The following ALPK2 variants were observed in gnomAD, a reference collection of about 807,000 sequenced individuals.
The protein encoded by ALPK2 is alpha-protein kinase 2.
A neutral mutation model predicts 163.1 loss-of-function variants in ALPK2; 127 were observed. The observed-to-expected ratio is 0.78, with a 90% CI of 0.67 to 0.90. The LOEUF (loss-of-function observed/expected upper bound fraction) is 0.90. ALPK2 is among the 40% of genes least tolerant of loss of function. The pLI, the probability that ALPK2 is intolerant of heterozygous loss-of-function variation, is 0.00. For synonymous variants in ALPK2, 953 were observed against 959.1 expected (o/e 0.99, Z 0.12); for missense variants, 2,360 against 2,589.6 (o/e 0.91, Z 1.92).
At position 58,536,676 on chromosome 18, in the gene ALPK2, G is replaced by A. The variant is rs144800085; in HGVS notation, c.3511C>T (p.Pro1171Ser). The A allele has an allele frequency of 8.7e-6, 14 of 1,614,078 alleles. No individual in the cohort carries two copies. The highest frequency in any genetic ancestry group is 1.7e-6 in the Non-Finnish European group (2 of 1,180,036). Residue 1171 changes from proline to serine, a missense_variant, in exon 5 of 13, where the codon CCC becomes TCC. Coordinates refer to ENST00000361673, the MANE Select transcript of ALPK2 (RefSeq NM_052947.4). Reference sequence around the variant, plus strand: ...GAGCTTGCGGGTGAGTGGGCCGTGGGCACCAAGTTTCTTTCCTCTTGTGCA... The same window carrying A: ...GAGCTTGCGGGTGAGTGGGCCGTGGACACCAAGTTTCTTTCCTCTTGTGCA... ...SAAQEERNLV[P>S]TAHSPASSRE...
chr18:58,573,280 A>ATG (rs2051897327), intron 4 of ALPK2, among the ~76,000 whole-genome samples: 1 of 146,764 alleles, frequency 6.8e-6, no homozygotes, highest in Non-Finnish European at 1.5e-5. Context: ...ATATGTATAT[A>ATG]TGTGTATATA....
At chr18:58,615,722 C>T (rs1201162375) in intron 1 of ALPK2, among the ~76,000 whole-genome samples, 14 of 152,136 alleles carry the variant, frequency 9.2e-5, no homozygotes, top group Non-Finnish European at 1.9e-4. Flanking sequence ...AGGACATGAC[C>T]TTCCATTCTC....
intron 10 of ALPK2, among the ~76,000 whole-genome samples, chr18:58,509,993 T>C (rs912196893): frequency 1.3e-5 from 2 of 152,248 alleles, no homozygotes; most frequent in African/African-American, 4.8e-5. Context: ...GCTGAGGTTT[T>C]CTTCTAGGGT....
Position 58,561,473 on chromosome 18 carries a change from G to A in ALPK2, c.1962+17341C>T, listed in dbSNP as rs139361857. Among the ~76,000 whole-genome samples, 14 of 152,244 alleles carry A rather than the reference G, an allele frequency of 9.2e-5. No homozygotes were observed. The East Asian group carries it at 2.1e-3, about 23-fold the overall frequency. ...ATTAGGAAATTGTCTTAAAGATCCC[G>A]CCCCCAAAAGCAGACCCTGAGACAA... On this transcript the variant is annotated intron_variant, in intron 4 of 12. Coordinates refer to ENST00000361673, the MANE Select transcript of ALPK2 (RefSeq NM_052947.4).
At position 58,488,909 on chromosome 18, in the gene ALPK2, G is replaced by A. The variant is rs143441651; in HGVS notation, c.6297-6870C>T. ...GGAAACAGCAAGAGATTCCCGGAGT[G>A]CCACTCATACCCTTCATTTTTCATG... On this transcript the variant is annotated intron_variant, in intron 12 of 12. Transcript: ENST00000361673. Among the ~76,000 whole-genome samples, 68 of 152,258 alleles carry A rather than the reference G, an allele frequency of 4.5e-4. 2 individuals are homozygous for A. In the East Asian group the frequency reaches 8.7e-3, roughly 20 times the overall value.
chr18:58,599,266 T>G (rs557316902), intron 3 of ALPK2, among the ~76,000 whole-genome samples: 1 of 152,260 alleles, frequency 6.6e-6, no homozygotes, highest in Non-Finnish European at 1.5e-5. Flanking sequence ...AACCGGGAGT[T>G]CCTTGTCAGA....
In ALPK2 at chr18:58,579,396, A is replaced by G. The variant is rs1221724634; in HGVS notation, c.1380T>C (p.Asn460=). The G allele has an allele frequency of 6.2e-7, 1 of 1,613,872 alleles. No homozygotes were observed. The highest frequency in any genetic ancestry group is 8.5e-7 in the Non-Finnish European group (1 of 1,180,020). The change falls in exon 4 of 13, where the codon AAT becomes AAC. Residue 460 remains asparagine (N), a synonymous_variant. Transcript: ENST00000361673. ...TTTCTCCTTGAATTCCTGGATAATC[A>G]TTTTCAGCAGCCTCGGGAGCAGTGG... is the stretch of plus-strand genomic sequence containing the variant. ...KLPTAPEAAE[N]DYPGIQGETR...
intron 4 of ALPK2, among the ~76,000 whole-genome samples, chr18:58,558,988 GA>G (rs1180051520): frequency 2.0e-5 from 3 of 152,248 alleles, no homozygotes; most frequent in African/African-American, 7.2e-5. Flanking sequence ...AAAGTGTTCT[GA>G]AATTAAATAG....
At chr18:58,523,260 T>C (rs7228180) in intron 8 of ALPK2, among the ~76,000 whole-genome samples, 101,784 of 151,042 alleles carry the variant, frequency 0.67, 34,639 homozygotes, top group Middle Eastern at 0.76. Context: ...TTTTTTATGG[T>C]TGCATAGTAT....
intron 4 of ALPK2, 28 bp downstream of exon 4, chr18:58,578,786 C>A (rs973790881): frequency 1.4e-6 from 2 of 1,458,146 alleles, no homozygotes; most frequent in African/African-American, 3.7e-5. Flanking sequence ...CTTTTTATCT[C>A]GTAATTTCTT....
At chr18:58,547,301 G>GCATGTCAC (rs1233747977) in intron 4 of ALPK2, among the ~76,000 whole-genome samples, 3 of 152,188 alleles carry the variant, frequency 2.0e-5, no homozygotes, top group Non-Finnish European at 4.4e-5. Flanking sequence ...AAAGGATACA[G>GCATGTCAC]CATGTCACCA....
Position 58,535,170 on chromosome 18 carries a change from A to G in ALPK2, c.5017T>C (p.Cys1673Arg). 6.2e-7 allele frequency: 1 copy of G among 1,613,968 alleles called. No homozygotes were observed. The highest frequency in any genetic ancestry group is 8.5e-7 in the Non-Finnish European group (1 of 1,179,986). ...GCACAGCCCAGGGTGCCCTTTTGAC[A>G]TGGATCCTGCAGTAATTTAGGGGCT... Reference protein sequence around the residue: ...EKAPKLLQDPCQKGTLGCAKK... With the variant: ...EKAPKLLQDPRQKGTLGCAKK... The change falls in exon 5 of 13, where the codon TGT becomes CGT. Residue 1673 changes from cysteine (C) to arginine (R), a missense_variant. Physicochemically the swap from Cys to Arg is radical, Grantham distance 180. Coordinates refer to ENST00000361673, the MANE Select transcript of ALPK2 (RefSeq NM_052947.4).
intron 10 of ALPK2, among the ~76,000 whole-genome samples, chr18:58,511,368 C>T (rs2051489430): frequency 6.6e-6 from 1 of 152,132 alleles, no homozygotes. Flanking sequence ...ATTGCAATTT[C>T]CCTGTCTTGA....
intron 3 of ALPK2, among the ~76,000 whole-genome samples, chr18:58,588,445 G>T (rs1362764543): frequency 1.3e-5 from 2 of 152,082 alleles, no homozygotes; most frequent in Non-Finnish European, 2.9e-5. Context: ...TGGGGTACAT[G>T]TGCAGGATGT....
chr18:58,546,302 A>G (rs375259735), intron 4 of ALPK2, among the ~76,000 whole-genome samples: 1 of 152,172 alleles, frequency 6.6e-6, no homozygotes, highest in Admixed American at 6.5e-5. Context: ...CTTGAGAGTC[A>G]TAGAGTTTGT....
chr18:58,562,374 C>G (rs1209064065), intron 4 of ALPK2, among the ~76,000 whole-genome samples: 1 of 152,214 alleles, frequency 6.6e-6, no homozygotes, highest in Non-Finnish European at 1.5e-5. Context: ...AACTATAGAA[C>G]TGACTGATGT....
intron 3 of ALPK2, among the ~76,000 whole-genome samples, chr18:58,591,567 G>C (rs2052015189): frequency 6.6e-6 from 1 of 152,108 alleles, no homozygotes; most frequent in Non-Finnish European, 1.5e-5. Context: ...AGGTTTCCTG[G>C]GGAGCTCAAC....
rs1427811374 is a variant in ALPK2, at chr18:58,613,705, AAAAAATAAT to A, written c.-20-1897_-20-1889del. 1.0e-3 allele frequency among the ~76,000 whole-genome samples: 87 copies of A among 83,648 alleles called. 1 individual carries two copies. The highest frequency in any genetic ancestry group is 1.4e-3 in the Non-Finnish European group (66 of 47,182). 54.9% of individuals were successfully genotyped at this position (83,648 alleles called of 152,430 possible). A position where few individuals can be genotyped will look rare whatever the true frequency, so the allele number is the denominator to read the frequency against. On this transcript the variant is annotated intron_variant, in intron 1 of 12. Transcript: ENST00000361673. ...CAGAGCAAGACTCCATCTCAAAAAA[AAAAAATAAT>A]AATAATAATAATAATAATAATAATA...
chr18:58,544,951 C>T (rs1370755652), intron 4 of ALPK2: 1 of 152,194 alleles, frequency 6.6e-6, no homozygotes. Flanking sequence ...TTCAAGGAAT[C>T]CCACCAAGGG....
Sources: gnomAD v4.1 joint callset for allele counts (sites outside exome capture counted in the v4.1 genomes callset) on GRCh38, gnomAD v4.1.1 for gene constraint, MANE v1.5 for transcripts, NCBI Gene and HGNC (gene_info 2026-07-23, HGNC 2026-07-21) for gene names.